Variants in LYPLAL1 observed in about 807,000 individuals in gnomAD.
The protein encoded by LYPLAL1 is lysophospholipase like 1, also known as lysophospholipase-like protein 1.
In LYPLAL1, 23 loss-of-function variants were observed where a neutral mutation model predicts 19.7. That is an observed-to-expected ratio of 1.17 (90% CI 0.84 to 1.65). LYPLAL1 has a LOEUF of 1.65. LYPLAL1 is among the 40% of genes most tolerant of loss of function. The pLI is 0.00. For synonymous variants in LYPLAL1, 119 were observed against 96.3 expected (o/e 1.24, Z -1.38); for missense variants, 355 against 279.4 (o/e 1.27, Z -1.93).
At chr1:219,280,760 A>ATAG in the LYPLAL1 span, among the ~76,000 whole-genome samples, 1 of 152,188 alleles carries the variant, frequency 6.6e-6, no homozygotes, top group Admixed American at 6.5e-5. Flanking sequence ...TTAAAAAGGC[A>ATAG]TAGTAGGCCA....
the LYPLAL1 span, chr1:219,270,668 A>T: frequency 6.6e-6 from 1 of 152,196 alleles, no homozygotes; most frequent in South Asian, 2.1e-4. Context: ...CTATTGGCAC[A>T]AGCTGCCAGC....
At chr1:219,193,348 A>T in intron 3 of LYPLAL1, 97 bp downstream of exon 3, 3 of 861,578 alleles carry the variant, frequency 3.5e-6, no homozygotes, top group Non-Finnish European at 5.2e-6. Context: ...GCACTTGTAT[A>T]TCATTCGATG....
At chr1:219,204,549 T>G (rs1053973515) in intron 3 of LYPLAL1, among the ~76,000 whole-genome samples, 2 of 152,254 alleles carry the variant, frequency 1.3e-5, no homozygotes, top group Non-Finnish European at 2.9e-5. Flanking sequence ...TAGAGATAGC[T>G]TTAAATTAAT....
chr1:219,268,610 A>G, the LYPLAL1 span, among the ~76,000 whole-genome samples: 1 of 146,208 alleles, frequency 6.8e-6, no homozygotes, highest in East Asian at 2.1e-4. Context: ...GTACTGAGTG[A>G]AAAAGTTATA....
the LYPLAL1 span, among the ~76,000 whole-genome samples, chr1:219,375,376 G>A: frequency 6.6e-6 from 1 of 150,746 alleles, no homozygotes; most frequent in Non-Finnish European, 1.5e-5. Flanking sequence ...TGAGGCAGGA[G>A]AATTGCTTGA....
At chr1:219,379,447 C>T in the LYPLAL1 span, among the ~76,000 whole-genome samples, 2 of 152,194 alleles carry the variant, frequency 1.3e-5, no homozygotes, top group Non-Finnish European at 2.9e-5. Context: ...TTTGGCAAGA[C>T]TTCAAGCAGT....
At chr1:219,290,534 C>T in the LYPLAL1 span, among the ~76,000 whole-genome samples, 2 of 152,158 alleles carry the variant, frequency 1.3e-5, no homozygotes, top group Non-Finnish European at 2.9e-5. Flanking sequence ...CCCTTTATCA[C>T]AAACCCTTAT....
At chr1:219,234,587 C>A in the LYPLAL1 span, among the ~76,000 whole-genome samples, 1 of 151,976 alleles carries the variant, frequency 6.6e-6, no homozygotes, top group African/African-American at 2.4e-5. Context: ...TAATGAAAAT[C>A]TGCAGGTCAA....
chr1:219,385,363 C>A, the LYPLAL1 span, among the ~76,000 whole-genome samples: 5 of 152,230 alleles, frequency 3.3e-5, no homozygotes, highest in East Asian at 7.7e-4. Context: ...CCCAAAGCCA[C>A]TCAAAAAATT....
the LYPLAL1 span, among the ~76,000 whole-genome samples, chr1:219,374,206 C>G: frequency 6.8e-6 from 1 of 147,768 alleles, no homozygotes; most frequent in Non-Finnish European, 1.5e-5. Context: ...TTTAAATAGT[C>G]CAAACTTTTG....
At chr1:219,354,097 T>C in the LYPLAL1 span, among the ~76,000 whole-genome samples, 2 of 152,050 alleles carry the variant, frequency 1.3e-5, no homozygotes, top group African/African-American at 4.8e-5. Context: ...AAGAGATGAA[T>C]AGAGCATCAG....
intron 2 of LYPLAL1, among the ~76,000 whole-genome samples, chr1:219,181,383 A>G (rs1306627800): frequency 6.6e-6 from 1 of 152,216 alleles, no homozygotes; most frequent in African/African-American, 2.4e-5. Context: ...AGGAGTTCCC[A>G]TATACAGTAG....
chr1:219,177,149 G>C (rs777524711), intron 1 of LYPLAL1, among the ~76,000 whole-genome samples: 2 of 152,200 alleles, frequency 1.3e-5, no homozygotes, highest in Admixed American at 1.3e-4. Flanking sequence ...CCAAGTCGGA[G>C]GCTCCAGGGT....
intron 3 of LYPLAL1, among the ~76,000 whole-genome samples, chr1:219,203,514 C>T (rs1004588427): frequency 6.6e-6 from 1 of 152,062 alleles, no homozygotes; most frequent in Non-Finnish European, 1.5e-5. Context: ...AGAACAATGT[C>T]GAAGGTATAG....
chr1:219,397,887 CTTCTGACTT>C, the LYPLAL1 span, among the ~76,000 whole-genome samples: 2 of 152,172 alleles, frequency 1.3e-5, no homozygotes, highest in African/African-American at 4.8e-5. Flanking sequence ...TCCCCAGTCT[CTTCTGACTT>C]GTAAGGTTTC....
Position 219,179,295 on chromosome 1 carries a change from T to C in LYPLAL1, c.191+49T>C, listed in dbSNP as rs745342594. The C allele has an allele frequency of 9.0e-6, 12 of 1,332,346 alleles. No individual in the cohort carries two copies. The East Asian group carries it at 2.8e-4, about 31-fold the overall frequency. 82.5% of individuals were successfully genotyped at this position (1,332,346 alleles called of 1,614,324 possible). A position where few individuals can be genotyped will look rare whatever the true frequency, so the allele number is the denominator to read the frequency against. On this transcript the variant is annotated intron_variant, in intron 2 of 4. Transcript: ENST00000366928. ...GTCAATATAACTCTGTGGCATAAAATATATATAGAGAGATGTGCCAGCTAG... is the reference window on the plus strand; with the variant it reads ...GTCAATATAACTCTGTGGCATAAAACATATATAGAGAGATGTGCCAGCTAG...
the LYPLAL1 span, among the ~76,000 whole-genome samples, chr1:219,279,544 T>C: frequency 6.6e-6 from 1 of 152,200 alleles, no homozygotes; most frequent in African/African-American, 2.4e-5. Context: ...AGGATTTTCC[T>C]GATGGATAAG....
the LYPLAL1 span, among the ~76,000 whole-genome samples, chr1:219,241,158 A>ATATATATATATG: frequency 7.4e-6 from 1 of 135,138 alleles, no homozygotes; most frequent in African/African-American, 2.7e-5. Context: ...ATATATATAT[A>ATATATATATATG]TATGGATTTT....
the LYPLAL1 span, among the ~76,000 whole-genome samples, chr1:219,416,167 T>G: frequency 0.047 from 7,173 of 152,274 alleles, 556 homozygotes; most frequent in African/African-American, 0.16. Context: ...TTAACTAAAA[T>G]TTTTATTTTA....
Sources: gnomAD v4.1 joint callset for allele counts (sites outside exome capture counted in the v4.1 genomes callset) on GRCh38, gnomAD v4.1.1 for gene constraint, MANE v1.5 for transcripts, NCBI Gene and HGNC (gene_info 2026-07-23, HGNC 2026-07-21) for gene names.